CUBN: variants seen among roughly 807,000 people sequenced by gnomAD.
CUBN encodes cubilin.
CUBN carries 282 observed loss-of-function variants against 405.3 expected under a neutral mutation model. That is an observed-to-expected ratio of 0.70 (90% CI 0.63 to 0.77). The LOEUF is 0.77. Ranked by LOEUF, CUBN falls within the 30% of genes least tolerant of loss-of-function variation. CUBN has a pLI of 0.00. For synonymous variants in CUBN, 1,684 were observed against 1,617.0 expected (o/e 1.04, Z -0.99); for missense variants, 4,514 against 4,475.2 (o/e 1.01, Z -0.25).
chr10:17,099,587 G>C (rs184594567), intron 14 of CUBN, among the ~76,000 whole-genome samples: 1 of 152,188 alleles, frequency 6.6e-6, no homozygotes, highest in African/African-American at 2.4e-5. Flanking sequence ...AGTGGCTCAT[G>C]CCTGTAATCC....
In CUBN at chr10:17,115,543, G is replaced by T. The variant is rs749012128; in HGVS notation, c.648C>A (p.Asp216Glu). The T allele has an allele frequency of 6.2e-7, 1 of 1,614,172 alleles. No individual in the cohort carries two copies. Among genetic ancestry groups the T allele is most frequent in the South Asian group, 1.1e-5 (1 of 91,072 alleles). The change falls in exon 7 of 67, where the codon GAC becomes GAA. Residue 216 changes from aspartate to glutamate, a missense_variant. Asp to Glu is a conservative substitution (Grantham distance 45, BLOSUM62 2). This residue lies in a region of CUBN where 1,448 missense variants were observed against 1,388.0 expected (regional missense o/e 1.04). Transcript: ENST00000377833. ...YGPQCASKYD[D>E]CEGGSVARCV... is the part of the protein sequence containing the mutation. ...AGCGTGCCACAGAACCCCCTTCACA[G>T]TCGTCATATTTGGATGCACACTGGG... is the stretch of plus-strand genomic sequence containing the variant.
rs11370796 is a variant in CUBN, at chr10:17,044,065, G to GA, written c.3673-83dup. The GA allele has an allele frequency of 6.9e-3, 5,218 of 757,248 alleles. 242 individuals carry two copies. The African/African-American group carries it at 0.089, about 13-fold the overall frequency. 46.9% of individuals were successfully genotyped at this position (757,248 alleles called of 1,614,324 possible). On this transcript the variant is annotated intron_variant, in intron 25 of 66. Coordinates refer to ENST00000377833, the MANE Select transcript of CUBN (RefSeq NM_001081.4). ...ACTATAATCCAGAAGAAGTGAGGAA[G>GA]AAAAAATATATATATTTATTATGTA...
intron 48 of CUBN, among the ~76,000 whole-genome samples, chr10:16,908,121 TA>T (rs1185634006): frequency 6.6e-6 from 1 of 152,140 alleles, no homozygotes; most frequent in Non-Finnish European, 1.5e-5. Flanking sequence ...ATAAAGCAGA[TA>T]TTTTTCTTTA....
At chr10:16,946,351 C>A (rs1038303966) in intron 36 of CUBN, among the ~76,000 whole-genome samples, 4 of 152,010 alleles carry the variant, frequency 2.6e-5, no homozygotes, top group East Asian at 1.9e-4. Flanking sequence ...GTGATAGGAT[C>A]CTACTACTAA....
intron 28 of CUBN, 52 bp downstream of exon 28, chr10:17,019,781 T>A: frequency 6.2e-7 from 1 of 1,612,652 alleles, no homozygotes; most frequent in South Asian, 1.1e-5. Context: ...AAAGAAAAAA[T>A]TCTTGGCCAA....
rs540796434 is a variant in CUBN at position 16,952,514 on chromosome 10, A to G, written c.4856-125T>C. On this transcript the variant is annotated intron_variant, in intron 32 of 66. Transcript: ENST00000377833. ...TCTTATTTCTAAAATGCACGCCAAG[A>G]AAGTTCTCCATAAGGAGAGCTGTAC... is the stretch of plus-strand genomic sequence containing the variant. 329 of 693,436 alleles carry G rather than the reference A, an allele frequency of 4.7e-4. 6 individuals are homozygous for G. The highest frequency in any genetic ancestry group is 2.9e-3 in the South Asian group (199 of 67,640). The allele number at this position is 693,436 out of a possible 1,614,324, so 43.0% of individuals were successfully genotyped here. A position where few individuals can be genotyped will look rare whatever the true frequency, so the allele number is the denominator to read the frequency against.
chr10:16,998,650 G>C (rs1305317670), intron 28 of CUBN, among the ~76,000 whole-genome samples: 1 of 152,186 alleles, frequency 6.6e-6, no homozygotes, highest in Non-Finnish European at 1.5e-5. Context: ...GTACAAAATG[G>C]TAACAACTAT....
At chr10:16,991,728 A>G (rs1389361956) in intron 28 of CUBN, among the ~76,000 whole-genome samples, 4 of 151,950 alleles carry the variant, frequency 2.6e-5, no homozygotes, top group Non-Finnish European at 2.9e-5. Context: ...GATCATCAAA[A>G]AGTCAGGAAA....
At chr10:16,834,946 G>C (rs1048432731) in intron 64 of CUBN, 68 bp downstream of exon 64, 24 of 1,385,066 alleles carry the variant, frequency 1.7e-5, no homozygotes, top group Non-Finnish European at 2.5e-5. Flanking sequence ...TAGATAAAAG[G>C]TGTAAAATCT....
At chr10:16,976,225 T>A (rs1169116086) in intron 31 of CUBN, among the ~76,000 whole-genome samples, 1 of 152,010 alleles carries the variant, frequency 6.6e-6, no homozygotes, top group Non-Finnish European at 1.5e-5. Flanking sequence ...TCTTGCCTCA[T>A]GCTCCCAAAG....
rs183406751 is a variant in CUBN at position 16,957,814 on chromosome 10, A to G, written c.4696-3266T>C. 8.9e-4 allele frequency among the ~76,000 whole-genome samples: 135 copies of G among 151,846 alleles called. 1 individual carries two copies. The highest frequency in any genetic ancestry group is 1.5e-3 in the Non-Finnish European group (104 of 67,930). On this transcript the variant is annotated intron_variant, in intron 31 of 66. Transcript: ENST00000377833. The stretch of plus-strand genomic sequence containing the variant: ...AAGCACTAGTCACAATAGCCAAAAT[A>G]TGGAATCAACCTAAGTGTCTAGCAT...
chr10:16,976,383 T>C (rs1392439894), intron 31 of CUBN, among the ~76,000 whole-genome samples: 4 of 152,212 alleles, frequency 2.6e-5, no homozygotes, highest in Admixed American at 2.6e-4. Context: ...AAATTTTTTT[T>C]ACTTCCAATC....
At chr10:16,852,734 A>G (rs540399705) in intron 59 of CUBN, among the ~76,000 whole-genome samples, 1 of 152,346 alleles carries the variant, frequency 6.6e-6, no homozygotes, top group South Asian at 2.1e-4. Flanking sequence ...AAGCTGGTGG[A>G]AAATGTGCAT....
At chr10:17,008,429 C>T (rs1834089889) in intron 28 of CUBN, among the ~76,000 whole-genome samples, 1 of 131,532 alleles carries the variant, frequency 7.6e-6, no homozygotes, top group Non-Finnish European at 1.6e-5. Context: ...AATCCCTGCT[C>T]GTGTGTGTGT....
intron 28 of CUBN, among the ~76,000 whole-genome samples, chr10:17,006,695 T>G (rs1257839116): frequency 6.6e-6 from 1 of 152,176 alleles, no homozygotes. Flanking sequence ...CAGTGCCTCA[T>G]GCCCACAGGT....
intron 22 of CUBN, among the ~76,000 whole-genome samples, chr10:17,055,278 T>C (rs1214598770): frequency 6.6e-6 from 1 of 152,058 alleles, no homozygotes; most frequent in African/African-American, 2.4e-5. Flanking sequence ...AACTGATGAA[T>C]GGCATCTATG....
intron 6 of CUBN, among the ~76,000 whole-genome samples, 153 bp from the exon 7 acceptor site, chr10:17,115,750 G>A (rs1296133994): frequency 1.3e-5 from 2 of 152,138 alleles, no homozygotes; most frequent in African/African-American, 2.4e-5. Context: ...CTGGAGTCTC[G>A]GGAGAAAATC....
intron 14 of CUBN, among the ~76,000 whole-genome samples, chr10:17,096,180 T>C (rs1345244016): frequency 6.6e-6 from 1 of 152,078 alleles, no homozygotes; most frequent in African/African-American, 2.4e-5. Flanking sequence ...ACGTTTATGT[T>C]CTCTGGAATG....
At chr10:16,867,810 C>T (rs1406551029) in intron 59 of CUBN, among the ~76,000 whole-genome samples, 2 of 152,102 alleles carry the variant, frequency 1.3e-5, no homozygotes, top group Non-Finnish European at 2.9e-5. Flanking sequence ...CTAAAAATGT[C>T]TTCTTTGTGG....
Sources: gnomAD v4.1 joint callset for allele counts (sites outside exome capture counted in the v4.1 genomes callset) on GRCh38, gnomAD v4.1.1 for gene constraint, gnomAD v4.1.1 regional missense constraint, MANE v1.5 for transcripts, NCBI Gene and HGNC (gene_info 2026-07-23, HGNC 2026-07-21) for gene names.